Variants in NRDC observed in about 807,000 individuals in gnomAD.
NRDC encodes the protein nardilysin convertase.
Under a neutral mutation model 147.1 loss-of-function variants are expected in NRDC, and 54 were observed. The observed-to-expected ratio is 0.37, with a 90% CI of 0.29 to 0.46. NRDC has a LOEUF of 0.46. Among genes scored for constraint, NRDC ranks in the 20% least tolerant of loss-of-function variants. NRDC has a pLI of 1.00. For synonymous variants in NRDC, 440 were observed against 482.1 expected, an observed-to-expected ratio of 0.91 and a Z score of 1.14; for missense variants, 1,082 against 1,370.6, an observed-to-expected ratio of 0.79 and a Z score of 3.33.
intron 28 of NRDC, 69 bp downstream of exon 28, chr1:51,790,831 G>T: frequency 7.5e-7 from 1 of 1,332,770 alleles, no homozygotes; most frequent in Non-Finnish European, 1.1e-6. Context: ...GGCCGGCGAA[G>T]CCCTGTTAAG....
At chr1:51,865,092 G>A (rs1477078798) in intron 1 of NRDC, among the ~76,000 whole-genome samples, 1 of 151,862 alleles carries the variant, frequency 6.6e-6, no homozygotes, top group Non-Finnish European at 1.5e-5. Context: ...CATAAGCTAT[G>A]GACTTAGAGA....
intron 1 of NRDC, among the ~76,000 whole-genome samples, chr1:51,844,818 GA>G (rs1681462880): frequency 1.6e-3 from 1 of 612 alleles, no homozygotes; most frequent in Non-Finnish European, 6.0e-3. Flanking sequence ...AGGGAGGAAA[GA>G]AGGAAGGAAG....
chr1:51,877,220 G>C (rs1325982766), intron 1 of NRDC, among the ~76,000 whole-genome samples: 1 of 152,082 alleles, frequency 6.6e-6, no homozygotes, highest in Non-Finnish European at 1.5e-5. Flanking sequence ...ATGATACACT[G>C]AATTTGGTGT....
At chr1:51,816,613 C>G (rs1679980572) in intron 10 of NRDC, among the ~76,000 whole-genome samples, 1 of 152,064 alleles carries the variant, frequency 6.6e-6, no homozygotes, top group Non-Finnish European at 1.5e-5. Flanking sequence ...ACAATCATCC[C>G]AAAATTTAAG....
chr1:51,810,553 C>T, intron 15 of NRDC, 149 bp from the exon 16 acceptor site: 1 of 641,964 alleles, frequency 1.6e-6, no homozygotes, highest in Non-Finnish European at 2.5e-6. Flanking sequence ...TTTACAAAGT[C>T]TCAACAGTGT....
chr1:51,846,715 A>C (rs1226450478), intron 1 of NRDC, among the ~76,000 whole-genome samples: 1 of 152,242 alleles, frequency 6.6e-6, no homozygotes, highest in African/African-American at 2.4e-5. Flanking sequence ...TATCGCCAAC[A>C]GCGATGGAAC....
At chr1:51,795,883 A>G (rs566318893) in intron 22 of NRDC, among the ~76,000 whole-genome samples, 2 of 151,960 alleles carry the variant, frequency 1.3e-5, no homozygotes, top group South Asian at 2.1e-4. Context: ...GCACTTCTTT[A>G]AACAAACAAA....
chr1:51,846,720 T>A (rs532069345), intron 1 of NRDC, among the ~76,000 whole-genome samples: 2 of 152,266 alleles, frequency 1.3e-5, no homozygotes, highest in African/African-American at 2.4e-5. Context: ...CCAACAGCGA[T>A]GGAACTCGAC....
Position 51,812,005 on chromosome 1 carries a change from A to T in NRDC, c.1768T>A (p.Tyr590Asn). ...ILTGDQLLFEYKPEVIGEALN... is the reference protein window; with the variant it reads ...ILTGDQLLFENKPEVIGEALN... ...ATAAACCTCCTTACTTCTGGCTTGT[A>T]TTCAAAAAGAAGCTGATCTCCAGTG... Residue 590 changes from tyrosine to asparagine, a missense_variant, in exon 15 of 31, where the codon TAC becomes AAC. This residue lies in a region of NRDC where 635 missense variants were observed against 923.8 expected (regional missense o/e 0.69). Transcript: ENST00000352171. 6.2e-7 allele frequency: 1 copy of T among 1,612,498 alleles called. No homozygotes were observed. The highest frequency in any genetic ancestry group is 8.5e-7 in the Non-Finnish European group (1 of 1,178,586).
chr1:51,810,188 T>C (rs925702237), intron 16 of NRDC, 93 bp downstream of exon 16: 88 of 884,592 alleles, frequency 9.9e-5, no homozygotes, highest in Non-Finnish European at 1.3e-4. Flanking sequence ...ATTATACTTT[T>C]TCCCCCTCTA....
At chr1:51,800,506 A>G in intron 21 of NRDC, 50 bp downstream of exon 21, 1 of 1,599,318 alleles carries the variant, frequency 6.3e-7, no homozygotes, top group Non-Finnish European at 8.6e-7. Context: ...CACTAGGGAG[A>G]GTAATACTTT....
intron 1 of NRDC, among the ~76,000 whole-genome samples, chr1:51,868,160 C>T (rs1682908479): frequency 6.6e-6 from 1 of 152,096 alleles, no homozygotes; most frequent in South Asian, 2.1e-4. Flanking sequence ...AACAAATTCT[C>T]TCCCTTCAAA....
chr1:51,821,643 G>T, intron 7 of NRDC, 88 bp from the exon 8 acceptor site: 1 of 936,208 alleles, frequency 1.1e-6, no homozygotes, highest in Non-Finnish European at 1.7e-6. Flanking sequence ...GAGATCTTTA[G>T]CTAAAAAACA....
rs775882027 is a variant in NRDC at position 51,878,542 on chromosome 1, G to T, written c.74C>A (p.Ala25Glu). Residue 25 changes from alanine (A) to glutamate (E), a missense_variant, in exon 1 of 31, where the codon GCG (alanine) becomes GAG (glutamate). This residue lies in a region of NRDC where 260 missense variants were observed against 253.2 expected (regional missense o/e 1.03). Transcript: ENST00000352171. Reference sequence around the variant, plus strand: ...CCGCGTTTCGATTCCCCAGAGCGCCGCGAGCTCCCGCCCGGCCTCACACAA... The same window carrying T: ...CCGCGTTTCGATTCCCCAGAGCGCCTCGAGCTCCCGCCCGGCCTCACACAA... Reference protein sequence around the residue: ...RKLCEAGRELAALWGIETRGR... With the variant: ...RKLCEAGRELEALWGIETRGR... 6.2e-7 allele frequency: 1 copy of T among 1,613,422 alleles called. No individual in the cohort carries two copies. Among genetic ancestry groups the T allele is most frequent in the Non-Finnish European group, 8.5e-7 (1 of 1,179,856 alleles).
At chr1:51,832,011 TAAGAA>T (rs1680737455) in intron 4 of NRDC, among the ~76,000 whole-genome samples, 3 of 152,210 alleles carry the variant, frequency 2.0e-5, no homozygotes, top group African/African-American at 7.2e-5. Context: ...ATTAATCTCT[TAAGAA>T]AAGAGATAAT....
chr1:51,833,987 T>C, intron 4 of NRDC, 30 bp downstream of exon 4: 5 of 1,592,972 alleles, frequency 3.1e-6, no homozygotes, highest in Middle Eastern at 1.7e-4. Flanking sequence ...ATTAGATCAT[T>C]AAAATTAAAG....
In NRDC at chr1:51,791,095, CAT is replaced by C. The variant is rs1246100002; in HGVS notation, c.2961-107_2961-106del. On this transcript the variant is annotated intron_variant, in intron 27 of 30. Transcript: ENST00000352171. ...GCAAAAGAAGGAATTAAGACTAAGACATATATCCAGGAAAAAAAGCTAAAGTG... is the reference window on the plus strand; with the variant it reads ...GCAAAAGAAGGAATTAAGACTAAGACATATCCAGGAAAAAAAGCTAAAGTG... 1.1e-4 allele frequency: 80 copies of C among 757,844 alleles called. No homozygotes were observed. The South Asian group carries it at 1.4e-3, about 13-fold the overall frequency. The allele number at this position is 757,844 out of a possible 1,614,324, so 46.9% of individuals were successfully genotyped here. A position where few individuals can be genotyped will look rare whatever the true frequency, so the allele number is the denominator to read the frequency against.
chr1:51,811,988 C>A lies in NRDC; in HGVS notation c.1779+6G>T. On this transcript the variant is annotated splice_donor_region_variant and intron_variant, in intron 15 of 30. Coordinates refer to ENST00000352171, the MANE Select transcript of NRDC (RefSeq NM_001101662.2). The stretch of plus-strand genomic sequence containing the variant: ...AAGTAAGTTTTAGACGTATAAACCT[C>A]CTTACTTCTGGCTTGTATTCAAAAA... 1 of 1,597,296 alleles carries A rather than the reference C, an allele frequency of 6.3e-7. No homozygotes were observed. The highest frequency in any genetic ancestry group is 8.6e-7 in the Non-Finnish European group (1 of 1,164,790).
At chr1:51,861,980 A>G (rs1055697154) in intron 1 of NRDC, 4 of 152,212 alleles carry the variant, frequency 2.6e-5, no homozygotes, top group African/African-American at 9.6e-5. Flanking sequence ...GAGTCCATGG[A>G]TAACATTGGA....
Sources: gnomAD v4.1 joint callset for allele counts (sites outside exome capture counted in the v4.1 genomes callset) on GRCh38, gnomAD v4.1.1 for gene constraint, gnomAD v4.1.1 regional missense constraint, MANE v1.5 for transcripts, NCBI Gene and HGNC (gene_info 2026-07-23, HGNC 2026-07-21) for gene names.